ACKR3: variants seen among roughly 807,000 people sequenced by gnomAD.
ACKR3 encodes the protein C-X-C chemokine receptor type 7.
Under a neutral mutation model 22.4 loss-of-function variants are expected in ACKR3, and 6 were observed. The ratio of observed to expected loss-of-function variants is 0.27; its 90% confidence interval spans 0.15 to 0.53. The LOEUF is 0.53. Ranked by LOEUF, ACKR3 falls within the 20% of genes least tolerant of loss-of-function variation. ACKR3 has a pLI of 0.96. For synonymous variants in ACKR3, 209 were observed against 205.2 expected (o/e 1.02, Z -0.16); for missense variants, 396 against 475.2 (o/e 0.83, Z 1.55).
chr2:236,563,616 G>C (rs1691118489), upstream of ACKR3, among the ~76,000 whole-genome samples: 1 of 152,206 alleles, frequency 6.6e-6, no homozygotes, highest in African/African-American at 2.4e-5. Flanking sequence ...CCCTGAGGTA[G>C]AAGCAGAGTG....
At chr2:236,548,187 T>C in the ACKR3 span, among the ~76,000 whole-genome samples, 1 of 152,250 alleles carries the variant, frequency 6.6e-6, no homozygotes, top group African/African-American at 2.4e-5. This position sits in a 1 kb window ranked among gnomAD's most constrained non-coding sequence, Gnocchi z 4.3. Context: ...TCCTGCTTAA[T>C]TCTCATAGTA....
In ACKR3 at chr2:236,581,612, C is replaced by T. The variant is rs1345480898; in HGVS notation, c.*58C>T. 1.3e-6 allele frequency: 2 copies of T among 1,549,190 alleles called. No homozygotes were observed. Among genetic ancestry groups the T allele is most frequent in the Non-Finnish European group, 1.7e-6 (2 of 1,148,204 alleles). ...TTGTTTTTGAACAGGGTGATGGGCC[C>T]TATGGTTTTCTAGAGCAAAGCAAAG... On this transcript the variant is annotated 3_prime_UTR_variant, in exon 2 of 2. Coordinates refer to ENST00000272928, the MANE Select transcript of ACKR3 (RefSeq NM_020311.3). This position sits in a 1 kb window ranked among gnomAD's most constrained non-coding sequence, Gnocchi z 4.4.
chr2:236,562,972 T>C (rs1691103011), upstream of ACKR3, among the ~76,000 whole-genome samples: 1 of 152,170 alleles, frequency 6.6e-6, no homozygotes, highest in East Asian at 1.9e-4. Context: ...TCAGTAATTT[T>C]CATGTAAGCC....
chr2:236,555,957 G>A, the ACKR3 span, among the ~76,000 whole-genome samples: 4 of 152,166 alleles, frequency 2.6e-5, no homozygotes, highest in African/African-American at 9.7e-5. Flanking sequence ...TAGAAACTAA[G>A]ATCTTGCTCC....
intron 1 of ACKR3, among the ~76,000 whole-genome samples, chr2:236,573,853 C>T (rs1691355963): frequency 6.6e-6 from 1 of 152,218 alleles, no homozygotes; most frequent in Admixed American, 6.5e-5. Flanking sequence ...TGGTCATATT[C>T]CTTGCCCACC....
At chr2:236,547,873 C>T in the ACKR3 span, among the ~76,000 whole-genome samples, 6 of 151,044 alleles carry the variant, frequency 4.0e-5, no homozygotes, top group Admixed American at 6.6e-5. Context: ...TGGGTGCTAG[C>T]TCTTCCAATG....
At chr2:236,553,952 A>T in the ACKR3 span, among the ~76,000 whole-genome samples, 1 of 152,218 alleles carries the variant, frequency 6.6e-6, no homozygotes, top group Non-Finnish European at 1.5e-5. Context: ...CTTTATTCAG[A>T]AAATTGTTTC....
the ACKR3 span, among the ~76,000 whole-genome samples, chr2:236,553,541 G>C: frequency 1.3e-5 from 2 of 152,258 alleles, no homozygotes; most frequent in African/African-American, 4.8e-5. Flanking sequence ...TGGTTGCTTG[G>C]AACAGGATCA....
At chr2:236,543,468 C>T in the ACKR3 span, among the ~76,000 whole-genome samples, 1 of 152,166 alleles carries the variant, frequency 6.6e-6, no homozygotes, top group South Asian at 2.1e-4. Flanking sequence ...ACCCTTTACC[C>T]ACACTGAGAG....
At chr2:236,572,588 G>T (rs1034690133) in intron 1 of ACKR3, among the ~76,000 whole-genome samples, 2 of 152,228 alleles carry the variant, frequency 1.3e-5, no homozygotes, top group Admixed American at 1.3e-4. Context: ...TAGGGCGGGG[G>T]TGAGGAGGCT....
chr2:236,544,552 G>A, the ACKR3 span, among the ~76,000 whole-genome samples: 2 of 152,190 alleles, frequency 1.3e-5, no homozygotes, highest in African/African-American at 4.8e-5. This position sits in a 1 kb window ranked among gnomAD's most constrained non-coding sequence, Gnocchi z 5.0. Flanking sequence ...CTGAGGGCTC[G>A]TAGCTTGGGT....
chr2:236,565,074 T>C (rs1230236810), upstream of ACKR3, among the ~76,000 whole-genome samples: 2 of 152,178 alleles, frequency 1.3e-5, no homozygotes, highest in Admixed American at 6.5e-5. Context: ...ATCTGTTGCA[T>C]TCCTTTAAAA....
upstream of ACKR3, among the ~76,000 whole-genome samples, chr2:236,566,860 T>TCTTTCTCTCTCTGTCTTTTCTTC (rs752048407): frequency 0.019 from 2,837 of 151,436 alleles, 39 homozygotes; most frequent in Non-Finnish European, 0.031. Context: ...TTCTTTTCTT[T>TCTTTCTCTCTCTGTCTTTTCTTC]CTTTCTCTCT....
the ACKR3 span, among the ~76,000 whole-genome samples, chr2:236,539,194 T>C: frequency 6.6e-6 from 1 of 152,196 alleles, no homozygotes; most frequent in Non-Finnish European, 1.5e-5. Flanking sequence ...TTTCCAGTTC[T>C]TGTCTATTGT....
intron 1 of ACKR3, among the ~76,000 whole-genome samples, chr2:236,578,132 C>T (rs750392071): frequency 4.6e-5 from 7 of 152,188 alleles, no homozygotes; most frequent in Admixed American, 6.5e-5. Context: ...GAGAGTGGAA[C>T]GTCAGCTCTG....
At chr2:236,555,555 C>G in the ACKR3 span, among the ~76,000 whole-genome samples, 5 of 152,070 alleles carry the variant, frequency 3.3e-5, no homozygotes, top group African/African-American at 1.2e-4. Flanking sequence ...GAAATGAGCC[C>G]TAAAAGCTGC....
the ACKR3 span, among the ~76,000 whole-genome samples, chr2:236,547,279 CAT>C: frequency 6.6e-6 from 1 of 152,170 alleles, no homozygotes; most frequent in Non-Finnish European, 1.5e-5. Context: ...TGCTTTTTAA[CAT>C]ATTTCAAGTC....
chr2:236,539,728 C>T, the ACKR3 span, among the ~76,000 whole-genome samples: 2 of 152,150 alleles, frequency 1.3e-5, no homozygotes, highest in East Asian at 1.9e-4. Flanking sequence ...AGTCTGTTCT[C>T]ATGATGCTAA....
At chr2:236,578,752 A>C (rs1333207767) in intron 1 of ACKR3, among the ~76,000 whole-genome samples, 1 of 152,198 alleles carries the variant, frequency 6.6e-6, no homozygotes, top group Admixed American at 6.5e-5. Flanking sequence ...GTCCCAAAGG[A>C]GAAGCCCATC....
Sources: gnomAD v4.1 joint callset for allele counts (sites outside exome capture counted in the v4.1 genomes callset) on GRCh38, gnomAD v4.1.1 for gene constraint, Gnocchi (gnomAD v3.1) non-coding constraint, MANE v1.5 for transcripts, NCBI Gene and HGNC (gene_info 2026-07-23, HGNC 2026-07-21) for gene names.